The following COPG2 variants were observed in gnomAD, a reference collection of about 807,000 sequenced individuals.
COPG2 encodes the protein coatomer subunit gamma-2.
In COPG2, 37 loss-of-function variants were observed where a neutral mutation model predicts 46.3. That is an observed-to-expected ratio of 0.80 (90% confidence interval 0.61 to 1.05). The LOEUF (loss-of-function observed/expected upper bound fraction) is 1.05, where lower values mean the gene tolerates loss of function less well. Ranked by LOEUF, COPG2 falls within the 50% of genes least tolerant of loss-of-function variation. The pLI is 0.00. For synonymous variants in COPG2, 159 were observed against 129.7 expected (o/e 1.23, Z -1.53); for missense variants, 427 against 387.8 (o/e 1.10, Z -0.85).
At chr7:130,507,654 G>T (rs977013215) in intron 22 of COPG2, 31 bp downstream of exon 22, 1 of 777,950 alleles carries the variant, frequency 1.3e-6, no homozygotes, top group Non-Finnish European at 2.4e-6. Context: ...ACTGTTATCA[G>T]GCAATATACT....
chr7:130,626,568 TAAGA>T (rs1373213915), intron 5 of COPG2, among the ~76,000 whole-genome samples: 1 of 152,078 alleles, frequency 6.6e-6, no homozygotes, highest in Non-Finnish European at 1.5e-5. Flanking sequence ...TCTTAGTCTA[TAAGA>T]GAGAGCGCTC....
chr7:130,609,712 G>T (rs1442228298), intron 9 of COPG2, among the ~76,000 whole-genome samples: 1 of 151,846 alleles, frequency 6.6e-6, no homozygotes, highest in African/African-American at 2.4e-5. Flanking sequence ...TTCTCCCTAT[G>T]CTTCAGTTTG....
intron 23 of COPG2, among the ~76,000 whole-genome samples, 192 bp from the exon 24 acceptor site, chr7:130,506,998 C>T (rs1373217827): frequency 2.0e-5 from 3 of 152,132 alleles, no homozygotes; most frequent in East Asian, 1.9e-4. Flanking sequence ...AAACCAGGTA[C>T]ATAGAAGGTA....
intron 3 of COPG2, 70 bp downstream of exon 3, chr7:130,666,779 A>C: frequency 2.8e-6 from 2 of 707,724 alleles, no homozygotes; most frequent in Non-Finnish European, 4.8e-6. Flanking sequence ...CTTTCCAGAA[A>C]GTATTTCACT....
chr7:130,621,163 C>G (rs781842358), intron 5 of COPG2, among the ~76,000 whole-genome samples: 19 of 152,260 alleles, frequency 1.2e-4, no homozygotes, highest in Non-Finnish European at 1.9e-4. Flanking sequence ...CAAGTAGCCT[C>G]CAGAAGCTAG....
intron 20 of COPG2, chr7:130,509,125 T>C: frequency 2.2e-6 from 1 of 446,564 alleles, no homozygotes; most frequent in Non-Finnish European, 4.4e-6. Flanking sequence ...TATCTTTAGA[T>C]TGTGGACTGA....
chr7:130,626,551 T>A (rs1795123918), intron 5 of COPG2, among the ~76,000 whole-genome samples: 4 of 152,052 alleles, frequency 2.6e-5, no homozygotes, highest in Admixed American at 2.6e-4. Context: ...GCCTGGCTAA[T>A]GAATACTCTT....
chr7:130,511,057 A>C (rs1205867705), intron 20 of COPG2: 2 of 496,650 alleles, frequency 4.0e-6, no homozygotes, highest in Non-Finnish European at 8.0e-6. Context: ...TATGAAAAGA[A>C]CCCAGCGAAT....
At chr7:130,513,322 T>A (rs1317717324) in intron 20 of COPG2, among the ~76,000 whole-genome samples, 27 of 46,636 alleles carry the variant, frequency 5.8e-4, no homozygotes, top group Non-Finnish European at 8.7e-4. Context: ...TATATATATA[T>A]ATATATATAT....
chr7:130,535,093 G>A (rs1238201251), intron 20 of COPG2, among the ~76,000 whole-genome samples: 1 of 152,136 alleles, frequency 6.6e-6, no homozygotes, highest in Non-Finnish European at 1.5e-5. Flanking sequence ...AAGTTTGAGC[G>A]GTGAGGAGAG....
intron 4 of COPG2, among the ~76,000 whole-genome samples, chr7:130,656,224 G>A (rs781921849): frequency 7.7e-5 from 11 of 142,490 alleles, no homozygotes; most frequent in Non-Finnish European, 1.7e-4. Context: ...TTTTCTTTTC[G>A]CACAATTAGT....
At chr7:130,631,452 C>G (rs1554455190) in intron 5 of COPG2, among the ~76,000 whole-genome samples, 1 of 152,130 alleles carries the variant, frequency 6.6e-6, no homozygotes, top group African/African-American at 2.4e-5. Context: ...GCCACTGCAC[C>G]TGGCCTGAAT....
At chr7:130,509,806 G>A (rs997152273) in intron 20 of COPG2, 33 of 509,658 alleles carry the variant, frequency 6.5e-5, no homozygotes, top group Non-Finnish European at 1.3e-4. Context: ...GATCCTTTAA[G>A]TTTTAAGAGA....
chr7:130,662,663 A>T (rs1464407422), intron 4 of COPG2, among the ~76,000 whole-genome samples: 1 of 152,232 alleles, frequency 6.6e-6, no homozygotes, highest in Non-Finnish European at 1.5e-5. Context: ...CTTGACTAAG[A>T]ACTGACAAAT....
In COPG2 at chr7:130,667,493, C is replaced by T; in HGVS notation, c.79G>A (p.Val27Ile). Residue 27 changes from valine to isoleucine, a missense_variant, in exon 2 of 24, where the codon GTT becomes ATT. Val to Ile is a conservative substitution (Grantham distance 29). Coordinates refer to ENST00000425248, the MANE Select transcript of COPG2 (RefSeq NM_012133.6). Reference sequence around the variant, plus strand: ...CTTCCCAGTCATACCTCCTGTAAAACAGCACTCTTCTCCAGATGCTGGAAA... The same window carrying T: ...CTTCCCAGTCATACCTCCTGTAAAATAGCACTCTTCTCCAGATGCTGGAAA... ...NPFQHLEKSAVLQEARIFNET... is the reference protein window; with the variant it reads ...NPFQHLEKSAILQEARIFNET... The T allele has an allele frequency of 1.2e-6, 2 of 1,613,486 alleles. No homozygotes were observed. The highest frequency in any genetic ancestry group is 1.7e-6 in the Non-Finnish European group (2 of 1,179,550).
rs1377191665 is a variant in COPG2, at chr7:130,512,946, TAAAAGATG to T, written c.2150-4295_2150-4288del. ...GAAAGAGAAGATGGAGGCTGGAAGCTAAAAGATGAAAAGATGTAGGATTTAGGCTGGAG... is the reference window on the plus strand; with the variant it reads ...GAAAGAGAAGATGGAGGCTGGAAGCTAAAAGATGTAGGATTTAGGCTGGAG... On this transcript the variant is annotated intron_variant, in intron 20 of 23. Transcript: ENST00000425248. Among the ~76,000 whole-genome samples the T allele has an allele frequency of 2.0e-5, 3 of 151,928 alleles. No individual in the cohort carries two copies. The East Asian group carries it at 5.8e-4, about 29-fold the overall frequency.
Position 130,644,147 on chromosome 7 carries a change from AAAAAAC to A in COPG2, c.323+8716_323+8721del, listed in dbSNP as rs1220149407. Among the ~76,000 whole-genome samples, 6 of 56,394 alleles carry A rather than the reference AAAAAAC, an allele frequency of 1.1e-4. No homozygotes were observed. The East Asian group carries it at 6.5e-3, about 61-fold the overall frequency. The allele number at this position is 56,394 out of a possible 152,430, so 37.0% of individuals were successfully genotyped here. ...TTATTCTTGGTATCTGTTTTAAAAC[AAAAAAC>A]AAAAAACTCCACAATCTTGGACTCA... is the stretch of plus-strand genomic sequence containing the variant. On this transcript the variant is annotated intron_variant, in intron 5 of 23. Coordinates refer to ENST00000425248, the MANE Select transcript of COPG2 (RefSeq NM_012133.6).
chr7:130,645,661 A>G (rs1554458075), intron 5 of COPG2: 1 of 159,368 alleles, frequency 6.3e-6, no homozygotes, highest in Admixed American at 6.5e-5. Flanking sequence ...TTAGGAAGCA[A>G]AAGAAAGAAG....
intron 20 of COPG2, among the ~76,000 whole-genome samples, chr7:130,526,338 G>A (rs1342534829): frequency 6.6e-6 from 1 of 152,156 alleles, no homozygotes; most frequent in Non-Finnish European, 1.5e-5. Context: ...GAGAAGAGAT[G>A]ACTGAGCCCG....
Sources: gnomAD v4.1 joint callset for allele counts (sites outside exome capture counted in the v4.1 genomes callset) on GRCh38, gnomAD v4.1.1 for gene constraint, MANE v1.5 for transcripts, NCBI Gene and HGNC (gene_info 2026-07-23, HGNC 2026-07-21) for gene names.